TMEM132D: variants seen among roughly 807,000 people sequenced by gnomAD.
The protein encoded by TMEM132D is transmembrane protein 132D.
Under a neutral mutation model 62.3 loss-of-function variants are expected in TMEM132D, and 21 were observed. The ratio of observed to expected loss-of-function variants is 0.34; its 90% CI spans 0.24 to 0.49. The LOEUF is 0.49. Ranked by LOEUF, TMEM132D falls within the 20% of genes least tolerant of loss-of-function variation. The probability of loss-of-function intolerance (pLI) is 0.99; values close to 1 mark genes in which losing one functional copy is unlikely to be tolerated. For missense variants in TMEM132D, 1,346 were observed against 1,402.8 expected, an observed-to-expected ratio of 0.96 and a Z score of 0.65; for synonymous variants, 621 against 575.6, an observed-to-expected ratio of 1.08 and a Z score of -1.13.
intron 4 of TMEM132D, among the ~76,000 whole-genome samples, chr12:129,259,538 T>G (rs540677410): frequency 2.0e-4 from 30 of 152,322 alleles, no homozygotes; most frequent in Non-Finnish European, 4.3e-4. Flanking sequence ...GCTGGGAGTG[T>G]GTTTTTAATC....
intron 4 of TMEM132D, among the ~76,000 whole-genome samples, chr12:129,242,453 A>G (rs1436289131): frequency 6.6e-6 from 1 of 152,154 alleles, no homozygotes; most frequent in Non-Finnish European, 1.5e-5. Flanking sequence ...TTTGGTTAGA[A>G]TTTGATTAGT....
intron 2 of TMEM132D, among the ~76,000 whole-genome samples, chr12:129,630,201 G>A (rs1879317926): frequency 6.6e-6 from 1 of 152,184 alleles, no homozygotes; most frequent in African/African-American, 2.4e-5. Context: ...ATTTATAAGA[G>A]CTCCAGTATG....
intron 4 of TMEM132D, among the ~76,000 whole-genome samples, chr12:129,231,601 G>A (rs1381257471): frequency 6.6e-6 from 1 of 152,064 alleles, no homozygotes; most frequent in Non-Finnish European, 1.5e-5. Flanking sequence ...ATTTCATTAA[G>A]CCGGGCTTTG....
At chr12:129,642,881 G>A (rs371436639) in intron 2 of TMEM132D, among the ~76,000 whole-genome samples, 4 of 150,744 alleles carry the variant, frequency 2.7e-5, no homozygotes, top group African/African-American at 9.8e-5. Flanking sequence ...TGACAACAAT[G>A]GAGAATTTCT....
At chr12:129,636,698 ATGTGTGTGTG>A (rs542826978) in intron 2 of TMEM132D, among the ~76,000 whole-genome samples, 42 of 107,954 alleles carry the variant, frequency 3.9e-4, no homozygotes, top group East Asian at 1.8e-3. Flanking sequence ...TCATACAGAA[ATGTGTGTGTG>A]TGTGTGTGTG....
At chr12:129,650,159 A>G (rs1255067292) in intron 2 of TMEM132D, among the ~76,000 whole-genome samples, 1 of 152,212 alleles carries the variant, frequency 6.6e-6, no homozygotes, top group East Asian at 1.9e-4. Flanking sequence ...GCACACATAT[A>G]TCCATATCTG....
chr12:129,670,718 G>A (rs1880483036), intron 2 of TMEM132D, among the ~76,000 whole-genome samples: 1 of 152,190 alleles, frequency 6.6e-6, no homozygotes, highest in African/African-American at 2.4e-5. Flanking sequence ...CCCCTGTCTT[G>A]ATGAATCGGC....
At chr12:129,213,469 C>T (rs1482574216) in intron 4 of TMEM132D, among the ~76,000 whole-genome samples, 1 of 152,034 alleles carries the variant, frequency 6.6e-6, no homozygotes, top group African/African-American at 2.4e-5. Context: ...TGCACCACAG[C>T]CTGGGCAACA....
chr12:129,596,994 T>C (rs1326999909), intron 2 of TMEM132D, among the ~76,000 whole-genome samples: 1 of 152,218 alleles, frequency 6.6e-6, no homozygotes, highest in Non-Finnish European at 1.5e-5. Context: ...AAATGCTATG[T>C]TATGGTTGAA....
chr12:129,613,949 C>T (rs1878847796), intron 2 of TMEM132D, among the ~76,000 whole-genome samples: 1 of 152,040 alleles, frequency 6.6e-6, no homozygotes, highest in Non-Finnish European at 1.5e-5. Flanking sequence ...AGGCAACTGT[C>T]TCCAGAACGC....
Position 129,464,593 on chromosome 12 carries a change from T to C in TMEM132D, c.1115+66466A>G, listed in dbSNP as rs76259074. 5.4e-3 allele frequency among the ~76,000 whole-genome samples: 824 copies of C among 152,348 alleles called. 32 individuals carry two copies. The East Asian group carries it at 0.096, about 18-fold the overall frequency. ...ATGCCTAGGTTTTCTTCTAGGGTTT[T>C]TATGGTTTTAGGTTTAACATTTAAA... On this transcript the variant is annotated intron_variant, in intron 3 of 8. Coordinates refer to ENST00000422113, the MANE Select transcript of TMEM132D (RefSeq NM_133448.3).
At chr12:129,408,058 C>T (rs1871849743) in intron 3 of TMEM132D, among the ~76,000 whole-genome samples, 2 of 152,064 alleles carry the variant, frequency 1.3e-5, no homozygotes, top group South Asian at 2.1e-4. Context: ...TGCGTCCCTC[C>T]GTCTGCCTGT....
intron 1 of TMEM132D, among the ~76,000 whole-genome samples, chr12:129,773,969 C>T (rs181897789): frequency 8.9e-4 from 136 of 152,246 alleles, no homozygotes; most frequent in African/African-American, 3.0e-3. Context: ...TAAACCTGGT[C>T]CTTGGTACCA....
intron 3 of TMEM132D, among the ~76,000 whole-genome samples, chr12:129,438,452 TACTC>T (rs904459408): frequency 6.6e-6 from 1 of 152,082 alleles, no homozygotes; most frequent in Non-Finnish European, 1.5e-5. Context: ...AAAATGAAAA[TACTC>T]ATTTATAAAA....
intron 2 of TMEM132D, among the ~76,000 whole-genome samples, chr12:129,558,429 T>G (rs1877121968): frequency 6.6e-6 from 1 of 151,884 alleles, no homozygotes; most frequent in Admixed American, 6.6e-5. Flanking sequence ...AAATGAGGAA[T>G]TAGAAACCAC....
chr12:129,627,034 C>T (rs1407332602), intron 2 of TMEM132D, among the ~76,000 whole-genome samples: 1 of 152,150 alleles, frequency 6.6e-6, no homozygotes, highest in Admixed American at 6.5e-5. Flanking sequence ...AAGCATATTA[C>T]GTTAGTGATT....
chr12:129,266,925 C>T (rs942227238), intron 4 of TMEM132D, among the ~76,000 whole-genome samples: 1 of 152,112 alleles, frequency 6.6e-6, no homozygotes, highest in Non-Finnish European at 1.5e-5. Context: ...GACATCCCAG[C>T]CCCAGTCTGT....
intron 2 of TMEM132D, among the ~76,000 whole-genome samples, chr12:129,616,029 A>AT (rs1878907643): frequency 6.6e-6 from 1 of 152,180 alleles, no homozygotes; most frequent in Non-Finnish European, 1.5e-5. Context: ...AAAGTCAACC[A>AT]TTACAAAACA....
rs186083912 is a variant in TMEM132D, at chr12:129,549,427, C to A, written c.969-18222G>T. On this transcript the variant is annotated intron_variant, in intron 2 of 8. Coordinates refer to ENST00000422113, the MANE Select transcript of TMEM132D (RefSeq NM_133448.3). ...AGTGAATCATGGGGTGGTTTCCCCCCTCCTGTTCTCATGGTAGTGAATAAG... is the reference window on the plus strand; with the variant it reads ...AGTGAATCATGGGGTGGTTTCCCCCATCCTGTTCTCATGGTAGTGAATAAG... Among the ~76,000 whole-genome samples, 32 of 151,766 alleles carry A rather than the reference C, an allele frequency of 2.1e-4. 1 individual carries two copies. Among genetic ancestry groups the A allele is most frequent in the Non-Finnish European group, 5.9e-5 (4 of 67,966 alleles).
Sources: allele counts gnomAD v4.1 joint callset (sites outside exome capture counted in the v4.1 genomes callset), GRCh38; gene constraint gnomAD v4.1.1; transcripts MANE v1.5; gene names NCBI Gene and HGNC (gene_info 2026-07-23, HGNC 2026-07-21).